The following SLC24A2 variants were observed in gnomAD, a reference collection of about 807,000 sequenced individuals.
The protein encoded by SLC24A2 is sodium/potassium/calcium exchanger 2.
In SLC24A2, 36 loss-of-function variants were observed where a neutral mutation model predicts 62.0. The observed-to-expected ratio is 0.58, with a 90% CI of 0.44 to 0.77. The LOEUF (loss-of-function observed/expected upper bound fraction) is 0.77, where lower values mean the gene tolerates loss of function less well. Among genes scored for constraint, SLC24A2 ranks in the 30% least tolerant of loss-of-function variants. The pLI is 0.00. For synonymous variants in SLC24A2, 358 were observed against 294.0 expected (o/e 1.22, Z -2.23); for missense variants, 846 against 817.9 (o/e 1.03, Z -0.42).
intron 2 of SLC24A2, among the ~76,000 whole-genome samples, chr9:19,695,520 C>T (rs1040646911): frequency 1.3e-5 from 2 of 151,882 alleles, no homozygotes; most frequent in Non-Finnish European, 2.9e-5. Flanking sequence ...ATTGATACAA[C>T]CCAATCTGAA....
the SLC24A2 span, among the ~76,000 whole-genome samples, chr9:19,954,028 T>G: frequency 6.6e-6 from 1 of 151,730 alleles, no homozygotes; most frequent in African/African-American, 2.4e-5. Flanking sequence ...CTGAGGTGCC[T>G]CAGCACAGTT....
chr9:19,588,747 G>A (rs1029789020), intron 5 of SLC24A2, among the ~76,000 whole-genome samples: 5 of 152,240 alleles, frequency 3.3e-5, no homozygotes, highest in Non-Finnish European at 5.9e-5. Flanking sequence ...GATCACTTGA[G>A]GTCAGGGATT....
intron 8 of SLC24A2, among the ~76,000 whole-genome samples, chr9:19,542,197 G>A (rs563646459): frequency 2.0e-5 from 3 of 152,152 alleles, no homozygotes; most frequent in Admixed American, 6.5e-5. Context: ...CTGTAGACCG[G>A]AGCTGTTCCT....
chr9:19,932,296 A>G, the SLC24A2 span, among the ~76,000 whole-genome samples: 1 of 152,218 alleles, frequency 6.6e-6, no homozygotes, highest in African/African-American at 2.4e-5. Flanking sequence ...AAATTCCGGT[A>G]GATATTTTTT....
chr9:19,617,572 T>G (rs1460997863), intron 4 of SLC24A2, among the ~76,000 whole-genome samples: 1 of 152,208 alleles, frequency 6.6e-6, no homozygotes, highest in African/African-American at 2.4e-5. Context: ...TGCTGATATT[T>G]TCTCCTTGCT....
At chr9:19,593,108 G>C (rs1166821748) in intron 5 of SLC24A2, among the ~76,000 whole-genome samples, 1 of 152,258 alleles carries the variant, frequency 6.6e-6, no homozygotes, top group African/African-American at 2.4e-5. Flanking sequence ...TGGCAGTGGA[G>C]ACATCGCCTG....
In SLC24A2 at chr9:19,516,000, A is replaced by C. The variant is rs370530401; in HGVS notation, c.*153T>G. ...AGCAGCCTGTGAAGTGAATGGGCCC[A>C]GTGTGAATCCATCTCTCCTCAAATT... On this transcript the variant is annotated 3_prime_UTR_variant, in exon 11 of 11. Transcript: ENST00000341998. The C allele has an allele frequency of 1.1e-6, 1 of 927,658 alleles. No homozygotes were observed. The highest frequency in any genetic ancestry group is 1.8e-6 in the Non-Finnish European group (1 of 566,818). 57.5% of individuals were successfully genotyped at this position (927,658 alleles called of 1,614,324 possible).
At chr9:20,135,038 T>A in the SLC24A2 span, among the ~76,000 whole-genome samples, 1 of 152,158 alleles carries the variant, frequency 6.6e-6, no homozygotes, top group Non-Finnish European at 1.5e-5. Context: ...TTCAATAATT[T>A]ATTAAGCAGA....
chr9:19,830,428 G>T, the SLC24A2 span, among the ~76,000 whole-genome samples: 302 of 152,260 alleles, frequency 2.0e-3, 2 homozygotes, highest in Non-Finnish European at 3.5e-3. Flanking sequence ...CCATACCACT[G>T]TGAGATAAGA....
chr9:19,580,099 A>T (rs1287686687), intron 5 of SLC24A2, among the ~76,000 whole-genome samples: 2 of 152,170 alleles, frequency 1.3e-5, no homozygotes, highest in African/African-American at 4.8e-5. Context: ...GATTAGCGTT[A>T]TTTGTGTCCT....
At chr9:19,955,614 G>A in the SLC24A2 span, among the ~76,000 whole-genome samples, 3 of 152,184 alleles carry the variant, frequency 2.0e-5, no homozygotes, top group Admixed American at 6.5e-5. Context: ...TATGTAATAT[G>A]TAAAAATAAA....
the SLC24A2 span, among the ~76,000 whole-genome samples, chr9:20,162,469 G>C: frequency 6.6e-6 from 1 of 152,008 alleles, no homozygotes; most frequent in Non-Finnish European, 1.5e-5. Flanking sequence ...AACAGGCTCT[G>C]AAATTGTGGC....
At chr9:19,856,631 C>G in the SLC24A2 span, among the ~76,000 whole-genome samples, 2 of 152,158 alleles carry the variant, frequency 1.3e-5, no homozygotes, top group Non-Finnish European at 2.9e-5. Flanking sequence ...CCAGTGGAGG[C>G]TGCAGAATAG....
At chr9:20,103,133 C>T in the SLC24A2 span, among the ~76,000 whole-genome samples, 1 of 152,188 alleles carries the variant, frequency 6.6e-6, no homozygotes, top group Non-Finnish European at 1.5e-5. Flanking sequence ...AAGGTGGCAG[C>T]CAGGCTGAGG....
chr9:19,724,345 C>T lies in SLC24A2; in HGVS notation c.930+61592G>A, dbSNP rs548967816. On this transcript the variant is annotated intron_variant, in intron 2 of 10. Coordinates refer to ENST00000341998, the MANE Select transcript of SLC24A2 (RefSeq NM_020344.4). ...TCTACACAGCAGCATGTGATAACAG[C>T]TGTTTTCCAAACATGACACAATAAG... is the stretch of plus-strand genomic sequence containing the variant. 4.7e-4 allele frequency among the ~76,000 whole-genome samples: 72 copies of T among 152,282 alleles called. 1 individual carries two copies. Among genetic ancestry groups the T allele is most frequent in the African/African-American group, 1.6e-3 (68 of 41,568 alleles).
the SLC24A2 span, among the ~76,000 whole-genome samples, chr9:20,139,665 A>G: frequency 6.6e-6 from 1 of 152,226 alleles, no homozygotes; most frequent in East Asian, 1.9e-4. Flanking sequence ...CCATAAAAAT[A>G]TAGACCCAAG....
At chr9:20,122,050 A>T in the SLC24A2 span, among the ~76,000 whole-genome samples, 1 of 152,200 alleles carries the variant, frequency 6.6e-6, no homozygotes. Context: ...AGGGCATTTC[A>T]CTGAGATGAG....
intron 5 of SLC24A2, among the ~76,000 whole-genome samples, chr9:19,590,979 G>A (rs1012026819): frequency 2.0e-5 from 3 of 151,908 alleles, no homozygotes; most frequent in South Asian, 2.1e-4. Flanking sequence ...TTCTTCACTC[G>A]GCTCCAGAGA....
chr9:20,198,063 C>T, the SLC24A2 span, among the ~76,000 whole-genome samples: 8 of 152,280 alleles, frequency 5.3e-5, no homozygotes, highest in African/African-American at 1.4e-4. Flanking sequence ...CTTGTAAAGG[C>T]GGTCATTTCC....
Sources: gnomAD v4.1 joint callset for allele counts (sites outside exome capture counted in the v4.1 genomes callset) on GRCh38, gnomAD v4.1.1 for gene constraint, MANE v1.5 for transcripts, NCBI Gene and HGNC (gene_info 2026-07-23, HGNC 2026-07-21) for gene names.